TLN2: variants seen among roughly 807,000 people sequenced by gnomAD.
TLN2 encodes the protein talin-2.
In TLN2, 118 loss-of-function variants were observed where a neutral mutation model predicts 294.7. The observed-to-expected ratio is 0.40, with a 90% CI of 0.34 to 0.47. The LOEUF is 0.47. Ranked by LOEUF, TLN2 falls within the 20% of genes least tolerant of loss-of-function variation. The pLI, the probability that TLN2 is intolerant of heterozygous loss-of-function variation, is 0.84. For synonymous variants in TLN2, 1,431 were observed against 1,304.5 expected (o/e 1.10, Z -2.09); for missense variants, 3,083 against 3,282.2 (o/e 0.94, Z 1.48).
Position 62,800,679 on chromosome 15 carries a change from C to T in TLN2, c.6387C>T (p.Leu2129=), listed in dbSNP as rs757754142. The T allele has an allele frequency of 3.1e-6, 5 of 1,614,208 alleles. No homozygotes were observed. Among genetic ancestry groups the T allele is most frequent in the Middle Eastern group, 3.3e-4 (2 of 6,062 alleles). The change falls in exon 50 of 59, where the codon CTC becomes CTT. Residue 2129 remains leucine (L), a synonymous_variant. Transcript: ENST00000636159. The part of the protein sequence containing the change: ...AKVMVTNVTS[L]LKTVKAVEDE... ...TGATGGTGACCAATGTCACCTCGCT[C>T]CTCAAGACTGTAAAGGCAGTGGAGG... is the stretch of plus-strand genomic sequence containing the variant.
Position 62,838,942 on chromosome 15 carries a change from T to G in TLN2, c.7461T>G (p.Asp2487Glu). Residue 2487 changes from aspartate (D) to glutamate (E), a missense_variant, in exon 58 of 59, where the codon GAT becomes GAG. Asp to Glu is a conservative substitution (Grantham distance 45, BLOSUM62 2). Transcript: ENST00000636159. Reference protein sequence around the residue: ...KAAFGKADDDDVVVKTKFVGG... With the variant: ...KAAFGKADDDEVVVKTKFVGG... ...CTTTTGGCAAAGCTGATGACGACGA[T>G]GTTGTAGTGAAAACCAAGTTTGTGG... The G allele has an allele frequency of 3.1e-6, 5 of 1,614,196 alleles. No homozygotes were observed. Among genetic ancestry groups the G allele is most frequent in the Non-Finnish European group, 4.2e-6 (5 of 1,180,028 alleles).
Position 62,480,815 on chromosome 15 carries a change from A to G in TLN2, c.-238+90130A>G, listed in dbSNP as rs80086192. On this transcript the variant is annotated intron_variant, in intron 1 of 58. Coordinates refer to ENST00000636159, the MANE Select transcript of TLN2 (RefSeq NM_015059.3). ...TAATATAAATTTTAGATGGCCAGAGACACAAGCCCTTTCCCTTTCTGATAC... is the reference window on the plus strand; with the variant it reads ...TAATATAAATTTTAGATGGCCAGAGGCACAAGCCCTTTCCCTTTCTGATAC... Among the ~76,000 whole-genome samples, 1,115 of 152,194 alleles carry G rather than the reference A, an allele frequency of 7.3e-3. 12 individuals carry two copies. Among genetic ancestry groups the G allele is most frequent in the African/African-American group, 0.025 (1,022 of 41,520 alleles).
intron 2 of TLN2, among the ~76,000 whole-genome samples, chr15:62,606,987 C>T (rs999207965): frequency 6.6e-6 from 1 of 152,170 alleles, no homozygotes; most frequent in Admixed American, 6.5e-5. Context: ...TCATCCTCCT[C>T]CTCACCATCA....
At chr15:62,680,458 C>T (rs573433365) in intron 11 of TLN2, among the ~76,000 whole-genome samples, 42 of 151,880 alleles carry the variant, frequency 2.8e-4, no homozygotes, top group Non-Finnish European at 3.1e-4. Context: ...AGACATATGT[C>T]AACCATGTGA....
intron 35 of TLN2, among the ~76,000 whole-genome samples, 172 bp downstream of exon 35, chr15:62,752,599 G>A (rs893348520): frequency 6.6e-6 from 1 of 152,160 alleles, no homozygotes; most frequent in Non-Finnish European, 1.5e-5. Flanking sequence ...AGTTACCCCC[G>A]AGGAGCAGAG....
At chr15:62,672,954 A>C (rs1438292416) in intron 9 of TLN2, among the ~76,000 whole-genome samples, 9 of 152,102 alleles carry the variant, frequency 5.9e-5, no homozygotes, top group Non-Finnish European at 1.3e-4. Flanking sequence ...CATTTTGTTT[A>C]TTTTTATCTA....
intron 46 of TLN2, 84 bp downstream of exon 46, chr15:62,792,871 A>G (rs2065172621): frequency 6.4e-7 from 1 of 1,556,750 alleles, no homozygotes; most frequent in Non-Finnish European, 8.6e-7. Context: ...AAAGCAGGAA[A>G]CTCAGCCAAA....
chr15:62,662,550 C>T (rs1002012887), intron 9 of TLN2, among the ~76,000 whole-genome samples: 16 of 152,102 alleles, frequency 1.1e-4, no homozygotes, highest in African/African-American at 3.9e-4. Context: ...CAAATTATAA[C>T]TAAATAGTGT....
intron 12 of TLN2, among the ~76,000 whole-genome samples, chr15:62,689,628 A>G (rs779792186): frequency 6.6e-6 from 1 of 151,790 alleles, no homozygotes; most frequent in Non-Finnish European, 1.5e-5. Flanking sequence ...CCCTTCATTC[A>G]TGAAGGATAA....
intron 1 of TLN2, among the ~76,000 whole-genome samples, chr15:62,462,236 A>C (rs981718639): frequency 1.3e-5 from 2 of 152,252 alleles, no homozygotes; most frequent in African/African-American, 2.4e-5. Flanking sequence ...TCTGTCTCAA[A>C]AACATAAATA....
At chr15:62,778,385 C>T (rs1402274263) in intron 43 of TLN2, among the ~76,000 whole-genome samples, 1 of 152,184 alleles carries the variant, frequency 6.6e-6, no homozygotes. Context: ...AACACCAGAG[C>T]TTTGAAGATA....
chr15:62,809,035 C>T (rs2066491742), intron 51 of TLN2, among the ~76,000 whole-genome samples: 1 of 152,168 alleles, frequency 6.6e-6, no homozygotes, highest in Non-Finnish European at 1.5e-5. Flanking sequence ...TCCTGATTAG[C>T]AGTGTATTTG....
intron 1 of TLN2, among the ~76,000 whole-genome samples, chr15:62,541,589 C>T (rs943539881): frequency 6.6e-6 from 1 of 151,968 alleles, no homozygotes; most frequent in Non-Finnish European, 1.5e-5. Context: ...ACCTTGTTTG[C>T]TCAGGGGTGT....
intron 1 of TLN2, among the ~76,000 whole-genome samples, chr15:62,503,567 G>A (rs543260483): frequency 1.3e-5 from 2 of 152,336 alleles, no homozygotes; most frequent in East Asian, 3.9e-4. Context: ...AACAATGTCT[G>A]TCTTGCTCTT....
At position 62,545,821 on chromosome 15, in the gene TLN2, A is replaced by G. The variant is rs148454895; in HGVS notation, c.-237-43866A>G. On this transcript the variant is annotated intron_variant, in intron 1 of 58. Coordinates refer to ENST00000636159, the MANE Select transcript of TLN2 (RefSeq NM_015059.3). The stretch of plus-strand genomic sequence containing the variant: ...TGGGCACTCAATAAATATTTGTCAA[A>G]TGGATATCCGGAATATCAAACCAAA... 1.2e-4 allele frequency among the ~76,000 whole-genome samples: 18 copies of G among 152,266 alleles called. No individual in the cohort carries two copies. In the East Asian group the frequency reaches 3.5e-3, roughly 29 times the overall value.
intron 51 of TLN2, among the ~76,000 whole-genome samples, chr15:62,807,975 A>G (rs937451665): frequency 6.6e-6 from 1 of 152,212 alleles, no homozygotes; most frequent in Non-Finnish European, 1.5e-5. Flanking sequence ...GCAATAATGC[A>G]TAGACAGGAA....
intron 52 of TLN2, among the ~76,000 whole-genome samples, chr15:62,817,561 C>T (rs1054972342): frequency 3.3e-5 from 5 of 152,262 alleles, no homozygotes; most frequent in African/African-American, 9.6e-5. Context: ...TGTACACTGC[C>T]GTGTCTAGGG....
Position 62,729,169 on chromosome 15 carries a change from G to A in TLN2, c.3358+1980G>A, listed in dbSNP as rs375694299. Reference sequence around the variant, plus strand: ...ACATGTATGTTTGGACCAGTTTGTGGTATTTGTTCTTTTCCATCGATTTAA... The same window carrying A: ...ACATGTATGTTTGGACCAGTTTGTGATATTTGTTCTTTTCCATCGATTTAA... On this transcript the variant is annotated intron_variant, in intron 28 of 58. Transcript: ENST00000636159. Among the ~76,000 whole-genome samples the A allele has an allele frequency of 5.3e-5, 8 of 152,262 alleles. No homozygotes were observed. In the South Asian group the frequency reaches 8.3e-4, roughly 16 times the overall value.
At chr15:62,727,649 C>G (rs181929591) in intron 28 of TLN2, among the ~76,000 whole-genome samples, 1 of 152,294 alleles carries the variant, frequency 6.6e-6, no homozygotes, top group African/African-American at 2.4e-5. Context: ...GCTGCAGAAC[C>G]CTGTGGGGTG....
Sources: allele counts gnomAD v4.1 joint callset (sites outside exome capture counted in the v4.1 genomes callset), GRCh38; gene constraint gnomAD v4.1.1; transcripts MANE v1.5; gene names NCBI Gene and HGNC (gene_info 2026-07-23, HGNC 2026-07-21).